MAP6: variants seen among roughly 807,000 people sequenced by gnomAD.
MAP6 encodes the protein microtubule associated protein 6, also known as microtubule-associated protein 6.
MAP6 carries 26 observed loss-of-function variants against 42.4 expected under a neutral mutation model. The observed-to-expected ratio is 0.61, with a 90% CI of 0.45 to 0.85. MAP6 has a LOEUF of 0.85. Ranked by LOEUF, MAP6 falls within the 40% of genes least tolerant of loss-of-function variation. The probability of loss-of-function intolerance (pLI) is 0.00; values close to 1 mark genes in which losing one functional copy is unlikely to be tolerated. For synonymous variants in MAP6, 418 were observed against 443.8 expected, an observed-to-expected ratio of 0.94 and a Z score of 0.73; for missense variants, 966 against 1,099.0, an observed-to-expected ratio of 0.88 and a Z score of 1.71.
At chr11:75,621,130 C>CA (rs998794913) in intron 1 of MAP6, among the ~76,000 whole-genome samples, 2,044 of 124,466 alleles carry the variant, frequency 0.016, 15 homozygotes, top group Non-Finnish European at 0.021. Flanking sequence ...GACTCCATCT[C>CA]AAAAAAAAAA....
chr11:75,664,974 T>A (rs941546567), intron 1 of MAP6, among the ~76,000 whole-genome samples: 1 of 152,198 alleles, frequency 6.6e-6, no homozygotes, highest in Admixed American at 6.5e-5. Context: ...TTAGCAATAA[T>A]CATTCCCTTA....
intron 1 of MAP6, among the ~76,000 whole-genome samples, chr11:75,619,037 G>C (rs1943057454): frequency 6.6e-6 from 1 of 152,196 alleles, no homozygotes; most frequent in Admixed American, 6.5e-5. Flanking sequence ...GGCTGCTCTG[G>C]AAAAGTCTTT....
intron 1 of MAP6, among the ~76,000 whole-genome samples, chr11:75,619,406 A>G (rs1032485735): frequency 6.6e-6 from 1 of 152,134 alleles, no homozygotes; most frequent in Non-Finnish European, 1.5e-5. Flanking sequence ...TCAAGGGTAC[A>G]TGTACAGTTT....
In MAP6 at chr11:75,589,333, C is replaced by T. The variant is rs906754516; in HGVS notation, c.1317-1149G>A. On this transcript the variant is annotated intron_variant, in intron 3 of 3. Transcript: ENST00000304771. ...AGGCAAGCATTGCCACACTTAGACC[C>T]GGCCAGCCTGGAGCCCTCTGGTTTA... 3.3e-5 allele frequency among the ~76,000 whole-genome samples: 5 copies of T among 152,342 alleles called. No homozygotes were observed. In the South Asian group the frequency reaches 8.3e-4, roughly 25 times the overall value.
chr11:75,587,029 C>T lies in MAP6; in HGVS notation c.*30G>A. On this transcript the variant is annotated 3_prime_UTR_variant, in exon 4 of 4. Transcript: ENST00000304771. Reference sequence around the variant, plus strand: ...GGGAGGGGAGCACTCTCACTGTCAGCTCCTTCATTGGTGTGTCAAGGGGTG... The same window carrying T: ...GGGAGGGGAGCACTCTCACTGTCAGTTCCTTCATTGGTGTGTCAAGGGGTG... 6.5e-7 allele frequency: 1 copy of T among 1,531,204 alleles called. No individual in the cohort carries two copies. Among genetic ancestry groups the T allele is most frequent in the Non-Finnish European group, 8.8e-7 (1 of 1,140,504 alleles). 94.9% of individuals were successfully genotyped at this position (1,531,204 alleles called of 1,614,324 possible). A position where few individuals can be genotyped will look rare whatever the true frequency, so the allele number is the denominator to read the frequency against.
At chr11:75,640,775 C>G (rs557143908) in intron 1 of MAP6, among the ~76,000 whole-genome samples, 1 of 152,108 alleles carries the variant, frequency 6.6e-6, no homozygotes, top group Non-Finnish European at 1.5e-5. Context: ...AAATCAAAAC[C>G]GCAATGAGAT....
intron 3 of MAP6, among the ~76,000 whole-genome samples, chr11:75,592,614 C>G (rs1252280479): frequency 6.6e-6 from 1 of 152,144 alleles, no homozygotes; most frequent in Non-Finnish European, 1.5e-5. Context: ...ACCTGGACCA[C>G]TGTCACAGCC....
At chr11:75,613,522 C>G (rs1942943192) in intron 1 of MAP6, among the ~76,000 whole-genome samples, 1 of 152,162 alleles carries the variant, frequency 6.6e-6, no homozygotes, top group Non-Finnish European at 1.5e-5. Context: ...CATGCCACAG[C>G]TTCTCTTGTA....
At chr11:75,594,566 G>A (rs1942544358) in intron 3 of MAP6, 2 of 152,200 alleles carry the variant, frequency 1.3e-5, no homozygotes, top group African/African-American at 4.8e-5. Context: ...GTAATTATCT[G>A]CCTCTCCTGC....
At chr11:75,666,714 T>G (rs1943954170) in intron 1 of MAP6, among the ~76,000 whole-genome samples, 3 of 152,326 alleles carry the variant, frequency 2.0e-5, no homozygotes, top group Admixed American at 2.0e-4. Context: ...AAAAATATGT[T>G]GAATATTTAA....
At chr11:75,649,495 AT>A (rs1943613827) in intron 1 of MAP6, among the ~76,000 whole-genome samples, 1 of 152,118 alleles carries the variant, frequency 6.6e-6, no homozygotes, top group Non-Finnish European at 1.5e-5. Flanking sequence ...CTGAAAAAAT[AT>A]TTTTTAATAC....
chr11:75,658,786 T>C (rs1197092547), intron 1 of MAP6, among the ~76,000 whole-genome samples: 1 of 152,228 alleles, frequency 6.6e-6, no homozygotes, highest in Non-Finnish European at 1.5e-5. Context: ...ATTTCTCTTC[T>C]TGTACTTTTA....
intron 1 of MAP6, among the ~76,000 whole-genome samples, chr11:75,665,513 C>G (rs1224857781): frequency 1.3e-5 from 2 of 152,168 alleles, no homozygotes; most frequent in African/African-American, 4.8e-5. Flanking sequence ...AAGGTTCCAC[C>G]TGCCACAGGG....
chr11:75,593,397 C>T (rs925632902), intron 3 of MAP6, among the ~76,000 whole-genome samples: 8 of 152,218 alleles, frequency 5.3e-5, no homozygotes, highest in Admixed American at 1.3e-4. Flanking sequence ...TCCATGGAGA[C>T]AAGGTAATGC....
At chr11:75,644,641 G>GT (rs1355808195) in intron 1 of MAP6, among the ~76,000 whole-genome samples, 2 of 152,046 alleles carry the variant, frequency 1.3e-5, no homozygotes, top group Non-Finnish European at 2.9e-5. Flanking sequence ...AATAGACTAT[G>GT]ACAAAAACTT....
At position 75,616,307 on chromosome 11, in the gene MAP6, C is replaced by G. The variant is rs186174605; in HGVS notation, c.906-7985G>C. On this transcript the variant is annotated intron_variant, in intron 1 of 3. Coordinates refer to ENST00000304771, the MANE Select transcript of MAP6 (RefSeq NM_033063.2). ...TGGGAAAATAAAATTCTTTTCCCAT[C>G]TTCTTTATAAAATTTTTTTGACATT... Among the ~76,000 whole-genome samples, 476 of 152,194 alleles carry G rather than the reference C, an allele frequency of 3.1e-3. 2 individuals carry two copies. Among genetic ancestry groups the G allele is most frequent in the African/African-American group, 0.011 (462 of 41,520 alleles).
chr11:75,656,657 C>T (rs1055597320), intron 1 of MAP6, among the ~76,000 whole-genome samples: 3 of 152,186 alleles, frequency 2.0e-5, no homozygotes, highest in Non-Finnish European at 4.4e-5. Flanking sequence ...TTCTCACCCT[C>T]TCTCTTCCCT....
chr11:75,610,765 G>C (rs146780580), intron 1 of MAP6, among the ~76,000 whole-genome samples: 273 of 152,206 alleles, frequency 1.8e-3, no homozygotes, highest in Non-Finnish European at 2.1e-3. Flanking sequence ...GAGGGTGCTG[G>C]GTCAAGAGGG....
intron 1 of MAP6, among the ~76,000 whole-genome samples, chr11:75,658,930 C>A (rs1188034775): frequency 2.6e-5 from 4 of 152,226 alleles, no homozygotes; most frequent in Non-Finnish European, 5.9e-5. Flanking sequence ...CTGTGCTCCA[C>A]CATGCCCTGC....
Sources: gnomAD v4.1 joint callset for allele counts (sites outside exome capture counted in the v4.1 genomes callset) on GRCh38, gnomAD v4.1.1 for gene constraint, MANE v1.5 for transcripts, NCBI Gene and HGNC (gene_info 2026-07-23, HGNC 2026-07-21) for gene names.